The following ABCC2 variants were observed in gnomAD, a reference collection of about 807,000 sequenced individuals.
ABCC2 encodes the protein ATP-binding cassette sub-family C member 2.
In ABCC2, 157 loss-of-function variants were observed where a neutral mutation model predicts 173.4. The ratio of observed to expected loss-of-function variants is 0.91; its 90% CI spans 0.80 to 1.03. The LOEUF (loss-of-function observed/expected upper bound fraction) is 1.03, where lower values mean the gene tolerates loss of function less well. Ranked by LOEUF, ABCC2 falls within the 50% of genes least tolerant of loss-of-function variation. ABCC2 has a pLI of 0.00. For missense variants in ABCC2, 1,822 were observed against 1,852.3 expected, an observed-to-expected ratio of 0.98 and a Z score of 0.30; for synonymous variants, 657 against 693.5, an observed-to-expected ratio of 0.95 and a Z score of 0.83.
At chr10:99,812,746 A>T (rs771889836) in intron 15 of ABCC2, among the ~76,000 whole-genome samples, 2 of 152,196 alleles carry the variant, frequency 1.3e-5, no homozygotes, top group African/African-American at 2.4e-5. Flanking sequence ...GAATTTTATC[A>T]TTGGAAATGC....
At chr10:99,844,579 C>A in intron 28 of ABCC2, 114 bp downstream of exon 28, 1 of 1,390,080 alleles carries the variant, frequency 7.2e-7, no homozygotes, top group Non-Finnish European at 1.0e-6. Context: ...GGGAAAGGGT[C>A]AGGGCACTTC....
Position 99,836,261 on chromosome 10 carries a change from ATG to A in ABCC2, c.3589_3590del (p.Val1197LeufsTer33), listed in dbSNP as rs2038821887. 6.2e-7 allele frequency: 1 copy of A among 1,614,154 alleles called. No homozygotes were observed. The highest frequency in any genetic ancestry group is 8.5e-7 in the Non-Finnish European group (1 of 1,180,016). On this transcript the variant is annotated frameshift_variant, in exon 25 of 32. Coordinates refer to ENST00000647814, the MANE Select transcript of ABCC2 (RefSeq NM_000392.5). LOFTEE classifies it high-confidence loss of function. ...AGGTGAGGATTGACACCAACCAGAA[ATG>A]TGTCTTTTCCTGGATCACCTCCAAC... ...NEVRIDTNQK[C>X]VFSWITSNRW...
rs555100134 is a variant in ABCC2 at position 99,834,737 on chromosome 10, C to T, written c.3414+202C>T. ...GAAGTGAGAGCATCAATGGGTGCAC[C>T]ATTTATGGCAAATGTCACCCTAACT... On this transcript the variant is annotated intron_variant, in intron 24 of 31. Coordinates refer to ENST00000647814, the MANE Select transcript of ABCC2 (RefSeq NM_000392.5). 1.7e-3 allele frequency among the ~76,000 whole-genome samples: 257 copies of T among 152,314 alleles called. 1 individual carries two copies. The highest frequency in any genetic ancestry group is 6.8e-3 in the Middle Eastern group (2 of 294).
intron 19 of ABCC2, among the ~76,000 whole-genome samples, chr10:99,822,874 C>G (rs550441887): frequency 6.6e-6 from 1 of 152,232 alleles, no homozygotes; most frequent in East Asian, 1.9e-4. Context: ...AAATTTTCCA[C>G]TGACTTAAGA....
Position 99,822,013 on chromosome 10 carries a change from A to G in ABCC2, c.2620+2744A>G, listed in dbSNP as rs1286757304. ...GCAAATAGGAGGATAACGATACCCA[A>G]TGGAAATATTTATCATCATCCCTTC... On this transcript the variant is annotated intron_variant, in intron 19 of 31. Transcript: ENST00000647814. 5.9e-5 allele frequency among the ~76,000 whole-genome samples: 9 copies of G among 152,122 alleles called. No individual in the cohort carries two copies. The South Asian group carries it at 6.2e-4, about 11-fold the overall frequency.
intron 23 of ABCC2, among the ~76,000 whole-genome samples, chr10:99,832,828 T>G (rs928038028): frequency 3.9e-5 from 6 of 152,238 alleles, no homozygotes; most frequent in Non-Finnish European, 8.8e-5. Flanking sequence ...TCAACAACCG[T>G]TATTGAGCAC....
At chr10:99,830,693 T>C (rs748138861) in intron 20 of ABCC2, 23 bp from the exon 21 acceptor site, 9 of 1,614,010 alleles carry the variant, frequency 5.6e-6, no homozygotes, top group Middle Eastern at 1.7e-4. Context: ...GCCTGCATGC[T>C]CAGGGAAGCT....
chr10:99,824,521 G>A (rs1269163081), intron 19 of ABCC2, among the ~76,000 whole-genome samples: 1 of 152,020 alleles, frequency 6.6e-6, no homozygotes, highest in Non-Finnish European at 1.5e-5. Flanking sequence ...TGAAGAGCTC[G>A]ACCTACAAAA....
chr10:99,794,151 A>AGAG (rs1453507772), intron 5 of ABCC2, 152 bp downstream of exon 5: 1 of 532,050 alleles, frequency 1.9e-6, no homozygotes, highest in Admixed American at 4.3e-5. Flanking sequence ...GATAGTGATG[A>AGAG]GAGTAAAATA....
At chr10:99,824,848 A>C in intron 19 of ABCC2, among the ~76,000 whole-genome samples, 1 of 93,442 alleles carries the variant, frequency 1.1e-5, no homozygotes, top group Non-Finnish European at 2.2e-5. Context: ...GGAGAATTCC[A>C]AGGCGAGAAC....
At chr10:99,805,255 CACTGGGCA>C in intron 10 of ABCC2, 119 bp from the exon 11 acceptor site, 1 of 761,698 alleles carries the variant, frequency 1.3e-6, no homozygotes, top group Middle Eastern at 2.3e-4. Flanking sequence ...TGAATCCCAT[CACTGGGCA>C]CCTCAAGTTC....
chr10:99,799,385 C>T lies in ABCC2; in HGVS notation c.1031+15C>T. Reference sequence around the variant, plus strand: ...CAGCTGCTGAAGTGAGTCTCCAGGCCTCAGATGGTCCTTTCAGGGCCTCCT... The same window carrying T: ...CAGCTGCTGAAGTGAGTCTCCAGGCTTCAGATGGTCCTTTCAGGGCCTCCT... On this transcript the variant is annotated intron_variant, in intron 8 of 31. Transcript: ENST00000647814. 1.2e-6 allele frequency: 2 copies of T among 1,614,000 alleles called. No homozygotes were observed. The highest frequency in any genetic ancestry group is 1.1e-5 in the South Asian group (1 of 91,082).
At chr10:99,797,650 C>T in intron 7 of ABCC2, 1 of 351,936 alleles carries the variant, frequency 2.8e-6, no homozygotes, top group Non-Finnish European at 5.4e-6. Flanking sequence ...GATTCATTCA[C>T]TTGAAAATAT....
At position 99,844,401 on chromosome 10, in the gene ABCC2, G is replaced by A. The variant is rs147177143; in HGVS notation, c.3923G>A (p.Arg1308Gln). Residue 1308 changes from arginine to glutamine, a missense_variant, in exon 28 of 32, where the codon CGG becomes CAG. Physicochemically the swap from Arg to Gln is conservative, Grantham distance 43. Coordinates refer to ENST00000647814, the MANE Select transcript of ABCC2 (RefSeq NM_000392.5). Reference protein sequence around the residue: ...GKIQFNNYQVRYRPELDLVLR... With the variant: ...GKIQFNNYQVQYRPELDLVLR... ...ATCCAGTTTAACAACTACCAAGTGC[G>A]GTACCGACCTGAGCTGGATCTGGTC... is the stretch of plus-strand genomic sequence containing the variant. 29 of 1,614,090 alleles carry A rather than the reference G, an allele frequency of 1.8e-5. No individual in the cohort carries two copies. The highest frequency in any genetic ancestry group is 5.5e-5 in the South Asian group (5 of 91,092).
At chr10:99,814,194 TGTG>T (rs1564683566) in intron 16 of ABCC2, among the ~76,000 whole-genome samples, 1,297 of 31,740 alleles carry the variant, frequency 0.041, 75 homozygotes, top group Non-Finnish European at 0.05. Flanking sequence ...TATACACACA[TGTG>T]TATATATACA....
At chr10:99,851,467 T>C in intron 31 of ABCC2, 35 bp from the exon 32 acceptor site, 1 of 1,613,830 alleles carries the variant, frequency 6.2e-7, no homozygotes, top group Non-Finnish European at 8.5e-7. Context: ...AGATGCTGCT[T>C]TCTAAGACTT....
At chr10:99,802,900 G>A (rs2038035829) in intron 9 of ABCC2, among the ~76,000 whole-genome samples, 1 of 152,220 alleles carries the variant, frequency 6.6e-6, no homozygotes, top group Non-Finnish European at 1.5e-5. Flanking sequence ...AGAACAGGAA[G>A]CCCATACTAC....
intron 30 of ABCC2, 32 bp downstream of exon 30, chr10:99,847,159 C>G (rs1370737216): frequency 2.5e-6 from 4 of 1,613,178 alleles, no homozygotes; most frequent in Middle Eastern, 1.7e-4. Context: ...CCCCTGCAGG[C>G]AATGAGAGGA....
chr10:99,814,344 TAC>T (rs536202613), intron 16 of ABCC2, among the ~76,000 whole-genome samples: 2,177 of 138,268 alleles, frequency 0.016, 443 homozygotes, highest in Middle Eastern at 0.03. Flanking sequence ...CATGTATATA[TAC>T]ACACGTATGT....
Sources: gnomAD v4.1 joint callset for allele counts (sites outside exome capture counted in the v4.1 genomes callset) on GRCh38, gnomAD v4.1.1 for gene constraint, MANE v1.5 for transcripts, NCBI Gene and HGNC (gene_info 2026-07-23, HGNC 2026-07-21) for gene names.